VSIG10L2: variants seen among roughly 807,000 people sequenced by gnomAD.
The protein encoded by VSIG10L2 is V-set and immunoglobulin domain containing 10 like 2.
VSIG10L2 carries 56 observed loss-of-function variants against 67.1 expected under a neutral mutation model. The ratio of observed to expected loss-of-function variants is 0.83; its 90% confidence interval spans 0.67 to 1.04. The LOEUF (loss-of-function observed/expected upper bound fraction) is 1.04, where lower values mean the gene tolerates loss of function less well. Among genes scored for constraint, VSIG10L2 ranks in the 50% least tolerant of loss-of-function variants. The probability of loss-of-function intolerance (pLI) is 0.00; values close to 1 mark genes in which losing one functional copy is unlikely to be tolerated. For synonymous variants in VSIG10L2, 360 were observed against 396.6 expected (o/e 0.91, Z 1.10); for missense variants, 843 against 932.8 (o/e 0.90, Z 1.25).
rs1355678455 is a variant in VSIG10L2 at position 125,947,817 on chromosome 11, C to G, written c.214C>G (p.Leu72Val). ...GCTGGTCCTCTGGAGCTTCACCCCC[C>G]TGGGCTCCCTGGTTCCCCGGCCTGT... ...PLLVLWSFTP[L>V]GSLVPRPVAV... Residue 72 changes from leucine (L) to valine (V), a missense_variant, in exon 2 of 12, where the codon CTG becomes GTG. Coordinates refer to ENST00000686984, the MANE Select transcript of VSIG10L2 (RefSeq NM_001365077.2). The G allele has an allele frequency of 1.6e-6, 2 of 1,232,500 alleles. No homozygotes were observed. The highest frequency in any genetic ancestry group is 1.0e-6 in the Non-Finnish European group (1 of 988,366). 76.3% of individuals were successfully genotyped at this position (1,232,500 alleles called of 1,614,324 possible).
chr11:125,951,912 C>A lies in VSIG10L2; in HGVS notation c.1334C>A (p.Thr445Lys), dbSNP rs781564201. Reference protein sequence around the residue: ...CEWPGGEPPATLGWLDEQQQP... With the variant: ...CEWPGGEPPAKLGWLDEQQQP... ...TGGCCTGGCGGCGAGCCCCCTGCCACGCTGGGCTGGCTTGACGAACAGCAG... is the reference window on the plus strand; with the variant it reads ...TGGCCTGGCGGCGAGCCCCCTGCCAAGCTGGGCTGGCTTGACGAACAGCAG... Residue 445 changes from threonine to lysine, a missense_variant, in exon 6 of 12, where the codon ACG becomes AAG. Physicochemically the swap from Thr to Lys is moderately conservative, Grantham distance 78. This residue lies in a region of VSIG10L2 where 446 missense variants were observed against 548.4 expected (regional missense o/e 0.81). Coordinates refer to ENST00000686984, the MANE Select transcript of VSIG10L2 (RefSeq NM_001365077.2). 6.5e-7 allele frequency: 1 copy of A among 1,534,776 alleles called. No homozygotes were observed. The highest frequency in any genetic ancestry group is 1.4e-5 in the African/African-American group (1 of 73,030).
chr11:125,949,244 GGTTTTT>G (rs1393236067), intron 3 of VSIG10L2, among the ~76,000 whole-genome samples: 4 of 151,974 alleles, frequency 2.6e-5, no homozygotes, highest in South Asian at 4.2e-4. Context: ...ACCTATTGGT[GGTTTTT>G]GTTTTTGTTT....
chr11:125,951,225 G>C (rs1945364177), intron 5 of VSIG10L2, 67 bp downstream of exon 5: 1 of 1,230,752 alleles, frequency 8.1e-7, no homozygotes, highest in Non-Finnish European at 1.0e-6. Flanking sequence ...GGTCAGGGTA[G>C]AGGCGGGGGG....
intron 1 of VSIG10L2, chr11:125,947,454 TTC>T: frequency 1.0e-6 from 1 of 985,398 alleles, no homozygotes; most frequent in Non-Finnish European, 1.2e-6. Context: ...CTCCAGTCCA[TTC>T]TCTGACTTCA....
intron 8 of VSIG10L2, among the ~76,000 whole-genome samples, 200 bp from the exon 9 acceptor site, chr11:125,954,857 C>T (rs1022666657): frequency 5.3e-5 from 8 of 152,180 alleles, no homozygotes; most frequent in Admixed American, 6.5e-5. Flanking sequence ...AGTCAAACCC[C>T]AGAGCACTAG....
In VSIG10L2 at chr11:125,953,655, G is replaced by T. The variant is rs1039804022; in HGVS notation, c.1751G>T (p.Gly584Val). ...TYQCVARNAV[G>V]NSSQSVLLEV... Reference sequence around the variant, plus strand: ...CAATGCGTGGCCCGCAACGCCGTGGGCAATAGCAGTCAGAGTGTGCTGCTG... The same window carrying T: ...CAATGCGTGGCCCGCAACGCCGTGGTCAATAGCAGTCAGAGTGTGCTGCTG... The change falls in exon 7 of 12, where the codon GGC (glycine) becomes GTC (valine). Residue 584 changes from glycine to valine, a missense_variant. By Grantham distance (109) the Gly-to-Val change is moderately radical. Transcript: ENST00000686984. The T allele has an allele frequency of 1.6e-6, 2 of 1,232,192 alleles. No homozygotes were observed. Among genetic ancestry groups the T allele is most frequent in the Non-Finnish European group, 1.0e-6 (1 of 988,040 alleles). 76.3% of individuals were successfully genotyped at this position (1,232,192 alleles called of 1,614,324 possible). A position where few individuals can be genotyped will look rare whatever the true frequency, so the allele number is the denominator to read the frequency against.
intron 2 of VSIG10L2, 35 bp downstream of exon 2, chr11:125,948,071 GGCT>G: frequency 3.2e-6 from 4 of 1,232,482 alleles, no homozygotes; most frequent in Non-Finnish European, 4.0e-6. Context: ...CTGGTCCGCG[GGCT>G]GCTTTGGATT....
intron 4 of VSIG10L2, 21 bp from the exon 5 acceptor site, chr11:125,950,889 C>T: frequency 8.1e-7 from 1 of 1,232,728 alleles, no homozygotes; most frequent in Non-Finnish European, 1.0e-6. Flanking sequence ...CTGCTCCAGC[C>T]TCACCCACTT....
rs1591530560 is a variant in VSIG10L2, at chr11:125,952,177, G to A, written c.1495+104G>A. On this transcript the variant is annotated intron_variant, in intron 6 of 11. Transcript: ENST00000686984. ...GGGGGTGGCTGTGCTGGCATGGAAA[G>A]TGAGTCAGTGCGGACGGGGAAGCTA... 7.8e-6 allele frequency: 11 copies of A among 1,403,140 alleles called. No homozygotes were observed. The East Asian group carries it at 2.8e-4, about 35-fold the overall frequency. The allele number at this position is 1,403,140 out of a possible 1,614,324, so 86.9% of individuals were successfully genotyped here.
At chr11:125,954,473 C>G in intron 8 of VSIG10L2, 90 bp downstream of exon 8, 1 of 1,101,298 alleles carries the variant, frequency 9.1e-7, no homozygotes, top group Non-Finnish European at 1.2e-6. Flanking sequence ...CCCCTCCTCT[C>G]TTCCTTTGCT....
Position 125,954,344 on chromosome 11 carries a change from C to A in VSIG10L2, c.2044C>A (p.His682Asn). 1 of 1,232,162 alleles carries A rather than the reference C, an allele frequency of 8.1e-7. No homozygotes were observed. The highest frequency in any genetic ancestry group is 1.0e-6 in the Non-Finnish European group (1 of 988,002). The allele number at this position is 1,232,162 out of a possible 1,614,324, so 76.3% of individuals were successfully genotyped here. ...LYAFRILALN[H>N]HTAGHPSEVK... Reference sequence around the variant, plus strand: ...TGCCTTCCGCATCCTGGCTCTGAATCACCACACTGCAGGACATCCCTCTGA... The same window carrying A: ...TGCCTTCCGCATCCTGGCTCTGAATAACCACACTGCAGGACATCCCTCTGA... The change falls in exon 8 of 12, where the codon CAC (histidine) becomes AAC (asparagine). Residue 682 changes from histidine to asparagine, a missense_variant. Coordinates refer to ENST00000686984, the MANE Select transcript of VSIG10L2 (RefSeq NM_001365077.2).
intron 1 of VSIG10L2, chr11:125,947,482 A>G (rs1476640507): frequency 2.0e-6 from 2 of 985,262 alleles, no homozygotes; most frequent in Non-Finnish European, 2.4e-6. Context: ...CCCCTCCTTC[A>G]GTGCATCCAA....
chr11:125,948,814 G>T (rs570428511), intron 3 of VSIG10L2, among the ~76,000 whole-genome samples: 1 of 152,386 alleles, frequency 6.6e-6, no homozygotes, highest in African/African-American at 2.4e-5. Context: ...AGGAAAACGT[G>T]CATACATTCA....
chr11:125,948,674 C>A, intron 3 of VSIG10L2, 94 bp downstream of exon 3: 2 of 1,195,924 alleles, frequency 1.7e-6, no homozygotes, highest in Non-Finnish European at 2.1e-6. Flanking sequence ...CCAAATCCCT[C>A]CACTGCAGGA....
Position 125,955,515 on chromosome 11 carries a change from G to A in VSIG10L2, c.2231+9G>A, listed in dbSNP as rs567658812. On this transcript the variant is annotated intron_variant, in intron 10 of 11. Coordinates refer to ENST00000686984, the MANE Select transcript of VSIG10L2 (RefSeq NM_001365077.2). ...CAATTGCTTGTTCCCACGTGAGTGTGGAACCCCAGTCATCCTGGGGGCCAG... is the reference window on the plus strand; with the variant it reads ...CAATTGCTTGTTCCCACGTGAGTGTAGAACCCCAGTCATCCTGGGGGCCAG... The A allele has an allele frequency of 7.7e-5, 81 of 1,045,676 alleles. No individual in the cohort carries two copies. The African/African-American group carries it at 1.1e-3, about 14-fold the overall frequency. 64.8% of individuals were successfully genotyped at this position (1,045,676 alleles called of 1,614,324 possible). A position where few individuals can be genotyped will look rare whatever the true frequency, so the allele number is the denominator to read the frequency against.
At chr11:125,947,633 G>A in intron 1 of VSIG10L2, 53 bp from the exon 2 acceptor site, 2 of 1,232,166 alleles carry the variant, frequency 1.6e-6, no homozygotes, top group South Asian at 8.2e-5. Context: ...GGCAGGGAGT[G>A]CAGGAGAGCC....
intron 2 of VSIG10L2, 28 bp from the exon 3 acceptor site, chr11:125,948,277 A>T: frequency 8.1e-7 from 1 of 1,232,298 alleles, no homozygotes; most frequent in Non-Finnish European, 1.0e-6. Flanking sequence ...CTGTAATAAC[A>T]CAGCGGGCCT....
rs1302586230 is a variant in VSIG10L2 at position 125,955,999 on chromosome 11, C to A, written c.*85C>A. Reference sequence around the variant, plus strand: ...CTTCTGTCAGACTTTGGTCATAAAACCAACGTAGCTAAGACACCAACTACC... The same window carrying A: ...CTTCTGTCAGACTTTGGTCATAAAAACAACGTAGCTAAGACACCAACTACC... On this transcript the variant is annotated 3_prime_UTR_variant, in exon 12 of 12. Transcript: ENST00000686984. 4 of 647,574 alleles carry A rather than the reference C, an allele frequency of 6.2e-6. No individual in the cohort carries two copies. Among genetic ancestry groups the A allele is most frequent in the Non-Finnish European group, 1.1e-5 (4 of 360,204 alleles). The allele number at this position is 647,574 out of a possible 1,614,324, so 40.1% of individuals were successfully genotyped here.
rs889018470 is a variant in VSIG10L2 at position 125,952,063 on chromosome 11, C to A, written c.1485C>A (p.His495Gln). 14 of 1,533,774 alleles carry A rather than the reference C, an allele frequency of 9.1e-6. No homozygotes were observed. The African/African-American group carries it at 1.5e-4, about 17-fold the overall frequency. Residue 495 changes from histidine (H) to glutamine (Q), a missense_variant, in exon 6 of 12, where the codon CAC becomes CAA. His to Gln is a conservative substitution (Grantham distance 24, BLOSUM62 0). Around this residue, in one of 2 missense-constraint regions of VSIG10L2, gnomAD observed 397 missense variants for 384.4 expected, o/e 1.03. Coordinates refer to ENST00000686984, the MANE Select transcript of VSIG10L2 (RefSeq NM_001365077.2). ...HLLRTPDPHC[H>Q]LQLEAPQLDV... ...TCAGGACCCCTGACCCCCACTGCCA[C>A]CTCCAGCTGGGTGAGTAGGGGCTAG...
Sources: allele counts gnomAD v4.1 joint callset (sites outside exome capture counted in the v4.1 genomes callset), GRCh38; gene constraint gnomAD v4.1.1; regional missense constraint gnomAD v4.1.1; transcripts MANE v1.5; gene names NCBI Gene and HGNC (gene_info 2026-07-23, HGNC 2026-07-21).